Variants in MOV10L1 observed in about 807,000 individuals in gnomAD.
The protein encoded by MOV10L1 is RNA helicase Mov10l1.
A neutral mutation model predicts 143.8 loss-of-function variants in MOV10L1; 110 were observed. The ratio of observed to expected loss-of-function variants is 0.76; its 90% CI spans 0.66 to 0.90. MOV10L1 has a LOEUF of 0.90. Ranked by LOEUF, MOV10L1 falls within the 40% of genes least tolerant of loss-of-function variation. MOV10L1 has a pLI of 0.00. For missense variants in MOV10L1, 1,406 were observed against 1,526.8 expected, an observed-to-expected ratio of 0.92 and a Z score of 1.32; for synonymous variants, 593 against 581.1, an observed-to-expected ratio of 1.02 and a Z score of -0.29.
At chr22:50,090,664 C>T (rs1032895948) in intron 1 of MOV10L1, 5 of 984,026 alleles carry the variant, frequency 5.1e-6, no homozygotes, top group Non-Finnish European at 7.8e-6. Flanking sequence ...CCGTTCCTTT[C>T]TCCTGAGGTG....
Position 50,134,486 on chromosome 22 carries a change from CT to C in MOV10L1, c.1970-39del, listed in dbSNP as rs537031943. On this transcript the variant is annotated intron_variant, in intron 14 of 26. Transcript: ENST00000262794. ...ACAACCTCTATTAATATTTTTTTAG[CT>C]TTTTAGTTATACCCGTGCTCTTACC... The C allele has an allele frequency of 1.0e-3, 1,541 of 1,529,298 alleles. 1 individual carries two copies. The highest frequency in any genetic ancestry group is 1.3e-3 in the Non-Finnish European group (1,398 of 1,105,750). 94.7% of individuals were successfully genotyped at this position (1,529,298 alleles called of 1,614,324 possible).
At chr22:50,138,026 A>G (rs1342686996) in intron 15 of MOV10L1, among the ~76,000 whole-genome samples, 2 of 152,094 alleles carry the variant, frequency 1.3e-5, no homozygotes, top group East Asian at 1.9e-4. Context: ...TGAAAAGGAA[A>G]AACCATATAA....
intron 9 of MOV10L1, among the ~76,000 whole-genome samples, chr22:50,119,273 C>T (rs548508069): frequency 4.6e-5 from 7 of 152,270 alleles, no homozygotes; most frequent in East Asian, 1.9e-4. Flanking sequence ...GTGCCTGACC[C>T]GGGTTGGCTC....
intron 15 of MOV10L1, among the ~76,000 whole-genome samples, chr22:50,137,795 CATATTTTATATATATACATATATAA>C (rs2062866762): frequency 2.2e-5 from 2 of 90,772 alleles, no homozygotes; most frequent in Admixed American, 3.1e-4. Flanking sequence ...TATAAATATA[CATATTTTATATATATACATATATAA>C]ATATACATAT....
chr22:50,147,198 C>T (rs768849421), intron 19 of MOV10L1: 24 of 1,348,786 alleles, frequency 1.8e-5, no homozygotes, highest in South Asian at 6.3e-5. Context: ...CTCAGAGGCA[C>T]TCTGTGCAGA....
chr22:50,112,995 T>C (rs2062064838), intron 5 of MOV10L1, among the ~76,000 whole-genome samples: 2 of 152,086 alleles, frequency 1.3e-5, no homozygotes, highest in African/African-American at 4.8e-5. Flanking sequence ...GGGCCAGAAG[T>C]GTGGCGAGCC....
chr22:50,161,024 G>A lies in MOV10L1; in HGVS notation c.3523G>A (p.Asp1175Asn), dbSNP rs759812049. 7.4e-6 allele frequency: 12 copies of A among 1,614,122 alleles called. No individual in the cohort carries two copies. The East Asian group carries it at 1.1e-4, about 15-fold the overall frequency. ...SITNGVYMGC[D>N]LPPALQSLQN... ...TACAAACGGTGTTTACATGGGATGCGATTTACCTCCTGCACTGCAGTCTCT... is the reference window on the plus strand; with the variant it reads ...TACAAACGGTGTTTACATGGGATGCAATTTACCTCCTGCACTGCAGTCTCT... Residue 1175 changes from aspartate (D) to asparagine (N), a missense_variant, in exon 26 of 27, where the codon GAT (aspartate) becomes AAT (asparagine). Around this residue, in one of 3 missense-constraint regions of MOV10L1, gnomAD observed 1,233 missense variants for 1,351.4 expected, o/e 0.91. Coordinates refer to ENST00000262794, the MANE Select transcript of MOV10L1 (RefSeq NM_018995.3).
chr22:50,149,720 T>C lies in MOV10L1; in HGVS notation c.2727+6T>C, dbSNP rs750043896. 7 of 1,611,362 alleles carry C rather than the reference T, an allele frequency of 4.3e-6. No individual in the cohort carries two copies. In the East Asian group the frequency reaches 1.6e-4, roughly 36 times the overall value. On this transcript the variant is annotated splice_donor_region_variant and intron_variant, in intron 20 of 26. Transcript: ENST00000262794. ...TGTCGGACATCAGTGGCCAGGTAAG[T>C]CCCGACTACTGTGTGTGCTGCTTCC...
Position 50,099,577 on chromosome 22 carries a change from C to T in MOV10L1, c.417C>T (p.Tyr139=), listed in dbSNP as rs143809250. 9.3e-6 allele frequency: 15 copies of T among 1,613,674 alleles called. No homozygotes were observed. Among genetic ancestry groups the T allele is most frequent in the African/African-American group, 1.3e-5 (1 of 74,928 alleles). Residue 139 remains tyrosine (Y), a synonymous_variant, in exon 3 of 27, where the codon TAC becomes TAT. Coordinates refer to ENST00000262794, the MANE Select transcript of MOV10L1 (RefSeq NM_018995.3). ...CAGGCTGTATCAGTCAGACCACCTACTTCTCTCTGGAGAGTGTGTGCGAAG... is the reference window on the plus strand; with the variant it reads ...CAGGCTGTATCAGTCAGACCACCTATTTCTCTCTGGAGAGTGTGTGCGAAG... ...EGAGCISQTT[Y]FSLESVCEGF...
rs1391803260 is a variant in MOV10L1, at chr22:50,153,158, C to T, written c.3006C>T (p.Ser1002=). 1 of 1,614,060 alleles carries T rather than the reference C, an allele frequency of 6.2e-7. No individual in the cohort carries two copies. The highest frequency in any genetic ancestry group is 1.1e-5 in the South Asian group (1 of 91,080). The change falls in exon 22 of 27, where the codon TCC becomes TCT. Residue 1002 remains serine (S), a synonymous_variant. Transcript: ENST00000262794. ...EVCADPTVVT[S]LLGWEKLPKK... ...GTGCGGACCCCACAGTGGTGACCTC[C>T]TTGCTGGGCTGGGAGAAGTTGCCTA...
At chr22:50,128,238 T>C (rs2062568262) in intron 12 of MOV10L1, among the ~76,000 whole-genome samples, 178 bp from the exon 13 acceptor site, 1 of 152,250 alleles carries the variant, frequency 6.6e-6, no homozygotes, top group Non-Finnish European at 1.5e-5. Context: ...GAGTGTGTAG[T>C]GATCCATTTC....
At chr22:50,161,149 C>T (rs2147042017) in intron 26 of MOV10L1, 94 bp downstream of exon 26, 5 of 1,303,770 alleles carry the variant, frequency 3.8e-6, no homozygotes, top group Non-Finnish European at 5.5e-6. Flanking sequence ...ATCCACTTAC[C>T]CACCTGCAGC....
chr22:50,113,307 G>C (rs956690428), intron 5 of MOV10L1, among the ~76,000 whole-genome samples: 1 of 152,196 alleles, frequency 6.6e-6, no homozygotes, highest in African/African-American at 2.4e-5. Context: ...CCACCACCTT[G>C]GGAGTTGGCT....
At chr22:50,100,858 T>G (rs2061728270) in intron 3 of MOV10L1, among the ~76,000 whole-genome samples, 1 of 152,238 alleles carries the variant, frequency 6.6e-6, no homozygotes. Flanking sequence ...GGATTTGTTT[T>G]TATACCTAAA....
chr22:50,152,725 C>G lies in MOV10L1; in HGVS notation c.2893-320C>G, dbSNP rs1403397889. On this transcript the variant is annotated intron_variant, in intron 21 of 26. Transcript: ENST00000262794. The surrounding 1 kb of genome is among the most constrained non-coding windows in gnomAD (Gnocchi z 4.4). ...GCACACGAGGGAGGCATCCACCTGC[C>G]CTCCACCCGGCTGCTGGGTTCCAGG... 6.6e-6 allele frequency among the ~76,000 whole-genome samples: 1 copy of G among 152,188 alleles called. No individual in the cohort carries two copies. Among genetic ancestry groups the G allele is most frequent in the Non-Finnish European group, 1.5e-5 (1 of 68,032 alleles).
intron 15 of MOV10L1, among the ~76,000 whole-genome samples, chr22:50,137,779 TAC>T (rs2062864925): frequency 1.1e-5 from 1 of 93,326 alleles, no homozygotes. Context: ...TTTATATATA[TAC>T]ATATATAAAT....
In MOV10L1 at chr22:50,117,306, C is replaced by T. The variant is rs756762868; in HGVS notation, c.1409C>T (p.Ala470Val). The part of the protein sequence containing the change: ...FSWKKLKSSQ[A>V]LTSAKTTVVV... ...TGGAAAAAGCTTAAAAGTTCACAAG[C>T]GTTAACATCCGCAAAAACTACAGTT... Residue 470 changes from alanine (A) to valine (V), a missense_variant, in exon 9 of 27, where the codon GCG becomes GTG. Ala to Val is a moderately conservative substitution (Grantham distance 64). This residue lies in a region of MOV10L1 where 1,233 missense variants were observed against 1,351.4 expected (regional missense o/e 0.91). Transcript: ENST00000262794. 168 of 1,613,792 alleles carry T rather than the reference C, an allele frequency of 1.0e-4. No individual in the cohort carries two copies. Among genetic ancestry groups the T allele is most frequent in the Non-Finnish European group, 1.4e-4 (165 of 1,179,960 alleles).
At chr22:50,138,187 C>T (rs2062885091) in intron 15 of MOV10L1, among the ~76,000 whole-genome samples, 1 of 152,106 alleles carries the variant, frequency 6.6e-6, no homozygotes, top group Non-Finnish European at 1.5e-5. Flanking sequence ...AGATCAGGAT[C>T]AGGGCATGTT....
rs76303459 is a variant in MOV10L1, at chr22:50,134,728, A to C, written c.2070+98A>C. ...GGCTCAGCGGCGTGACTGTCTCTAC[A>C]CAGGGGATGGCTCAGCGATGTAACT... On this transcript the variant is annotated intron_variant, in intron 15 of 26. Coordinates refer to ENST00000262794, the MANE Select transcript of MOV10L1 (RefSeq NM_018995.3). 6.6e-3 allele frequency: 6,784 copies of C among 1,024,164 alleles called. 45 individuals carry two copies. Among genetic ancestry groups the C allele is most frequent in the South Asian group, 0.013 (950 of 74,382 alleles). 63.4% of individuals were successfully genotyped at this position (1,024,164 alleles called of 1,614,324 possible). A position where few individuals can be genotyped will look rare whatever the true frequency, so the allele number is the denominator to read the frequency against.
Sources: gnomAD v4.1 joint callset for allele counts (sites outside exome capture counted in the v4.1 genomes callset) on GRCh38, gnomAD v4.1.1 for gene constraint, gnomAD v4.1.1 regional missense constraint, Gnocchi (gnomAD v3.1) non-coding constraint, MANE v1.5 for transcripts, NCBI Gene and HGNC (gene_info 2026-07-23, HGNC 2026-07-21) for gene names.